LNPK: variants seen among roughly 807,000 people sequenced by gnomAD.
LNPK encodes endoplasmic reticulum junction formation protein lunapark.
A neutral mutation model predicts 55.2 loss-of-function variants in LNPK; 29 were observed. That is an observed-to-expected ratio of 0.53 (90% CI 0.39 to 0.72). The LOEUF is 0.72. Ranked by LOEUF, LNPK falls within the 30% of genes least tolerant of loss-of-function variation. LNPK has a pLI of 0.00. For synonymous variants in LNPK, 162 were observed against 168.2 expected, an observed-to-expected ratio of 0.96 and a Z score of 0.29; for missense variants, 467 against 494.8, an observed-to-expected ratio of 0.94 and a Z score of 0.53.
At chr2:175,953,729 C>CA (rs1685538388) in intron 8 of LNPK, among the ~76,000 whole-genome samples, 2 of 149,938 alleles carry the variant, frequency 1.3e-5, no homozygotes, top group Non-Finnish European at 3.0e-5. Context: ...TTCTCTATGG[C>CA]TCAGTCATAT....
chr2:175,980,537 A>G (rs1687121866), intron 4 of LNPK, among the ~76,000 whole-genome samples: 1 of 152,260 alleles, frequency 6.6e-6, no homozygotes, highest in Non-Finnish European at 1.5e-5. Flanking sequence ...AATCCTCATC[A>G]CAAACTTGTC....
intron 6 of LNPK, 103 bp downstream of exon 6, chr2:175,970,661 C>A (rs573420128): frequency 3.5e-6 from 2 of 573,264 alleles, no homozygotes; most frequent in South Asian, 8.3e-5. Context: ...TATCTAAAAG[C>A]ATATTTCTTC....
chr2:175,992,317 T>A lies in LNPK; in HGVS notation c.171A>T (p.Thr57=). The part of the protein sequence containing the change: ...ILYSSVLYLF[T]CLIVYLWYLP... ...GATACCACAAATATACAATTAAGCATGTAAACAGATAGAGAACTGAGGAAT... is the reference window on the plus strand; with the variant it reads ...GATACCACAAATATACAATTAAGCAAGTAAACAGATAGAGAACTGAGGAAT... Residue 57 remains threonine (T), a synonymous_variant, in exon 4 of 13, where the codon ACA becomes ACT. Transcript: ENST00000272748. 1 of 1,569,470 alleles carries A rather than the reference T, an allele frequency of 6.4e-7. No homozygotes were observed. The highest frequency in any genetic ancestry group is 8.6e-7 in the Non-Finnish European group (1 of 1,163,328).
chr2:175,974,695 C>T (rs1686821665), intron 5 of LNPK, among the ~76,000 whole-genome samples: 1 of 152,100 alleles, frequency 6.6e-6, no homozygotes, highest in African/African-American at 2.4e-5. Context: ...CAAGGTCCAA[C>T]TTGTAAAACA....
chr2:175,991,751 A>ATGAT (rs1403263067), intron 4 of LNPK, among the ~76,000 whole-genome samples: 1 of 152,222 alleles, frequency 6.6e-6, no homozygotes, highest in African/African-American at 2.4e-5. Flanking sequence ...ATTCTCAGTC[A>ATGAT]TGATACGCCT....
intron 12 of LNPK, among the ~76,000 whole-genome samples, chr2:175,936,688 A>G (rs1012318228): frequency 1.3e-5 from 2 of 152,162 alleles, no homozygotes; most frequent in Non-Finnish European, 2.9e-5. Context: ...CCATTTTTTC[A>G]TGAAACTTCC....
intron 8 of LNPK, among the ~76,000 whole-genome samples, chr2:175,952,587 T>G (rs1685478503): frequency 6.6e-6 from 1 of 152,078 alleles, no homozygotes; most frequent in South Asian, 2.1e-4. Flanking sequence ...CAAATTCACC[T>G]TCTACCCTAT....
At position 175,937,515 on chromosome 2, in the gene LNPK, C is replaced by T; in HGVS notation, c.884-1G>A. Reference sequence around the variant, plus strand: ...AAAAAACAGTAGGCACATCGAAAAGCTGCAGAGAATTTTTTAAAAATAAGC... The same window carrying T: ...AAAAAACAGTAGGCACATCGAAAAGTTGCAGAGAATTTTTTAAAAATAAGC... On this transcript the variant is annotated splice_acceptor_variant, in intron 11 of 12. Transcript: ENST00000272748. LOFTEE classifies it high-confidence loss of function. The T allele has an allele frequency of 6.2e-7, 1 of 1,604,244 alleles. No individual in the cohort carries two copies. Among genetic ancestry groups the T allele is most frequent in the Non-Finnish European group, 8.5e-7 (1 of 1,176,484 alleles).
chr2:175,938,531 A>G (rs1684662270), intron 10 of LNPK, 148 bp from the exon 11 acceptor site: 2 of 425,936 alleles, frequency 4.7e-6, no homozygotes, highest in East Asian at 3.4e-5. Context: ...ACAACAAACA[A>G]TATTCATTAA....
rs561793237 is a variant in LNPK, at chr2:175,930,956, T to G, written c.1055-757A>C. 2.2e-3 allele frequency among the ~76,000 whole-genome samples: 339 copies of G among 152,280 alleles called. 1 individual carries two copies. Among genetic ancestry groups the G allele is most frequent in the African/African-American group, 7.8e-3 (326 of 41,564 alleles). On this transcript the variant is annotated intron_variant, in intron 12 of 12. Coordinates refer to ENST00000272748, the MANE Select transcript of LNPK (RefSeq NM_030650.3). ...TACTCCTTTTAAACTCTCTAAGTATTATTGAATTCAAATCCCTTAAAAATA... is the reference window on the plus strand; with the variant it reads ...TACTCCTTTTAAACTCTCTAAGTATGATTGAATTCAAATCCCTTAAAAATA...
intron 8 of LNPK, among the ~76,000 whole-genome samples, chr2:175,961,311 C>T (rs1686018082): frequency 6.6e-6 from 1 of 152,158 alleles, no homozygotes; most frequent in Non-Finnish European, 1.5e-5. Flanking sequence ...GAATAAAATA[C>T]TGGTGAACTG....
chr2:175,940,112 A>T (rs1041088047), intron 9 of LNPK, among the ~76,000 whole-genome samples: 7 of 152,120 alleles, frequency 4.6e-5, no homozygotes, highest in Non-Finnish European at 1.0e-4. Context: ...AAGACACTGG[A>T]TATCAAGCAA....
chr2:175,977,556 GAA>G (rs1334766586), intron 5 of LNPK, among the ~76,000 whole-genome samples: 2 of 152,066 alleles, frequency 1.3e-5, no homozygotes, highest in Non-Finnish European at 2.9e-5. Context: ...AAAGTTTTCA[GAA>G]AAAGAGTGAA....
chr2:175,973,542 G>C (rs940179555), intron 5 of LNPK, among the ~76,000 whole-genome samples: 1 of 152,104 alleles, frequency 6.6e-6, no homozygotes, highest in Non-Finnish European at 1.5e-5. Flanking sequence ...GTCTTTTTCT[G>C]TTACATATTT....
At chr2:175,949,268 T>C (rs879261792) in intron 8 of LNPK, among the ~76,000 whole-genome samples, 10 of 152,134 alleles carry the variant, frequency 6.6e-5, no homozygotes, top group Non-Finnish European at 1.3e-4. Flanking sequence ...AATCATATCC[T>C]AACGTCTGCA....
intron 1 of LNPK, among the ~76,000 whole-genome samples, chr2:176,001,420 C>A (rs1688155666): frequency 6.6e-6 from 1 of 152,132 alleles, no homozygotes; most frequent in African/African-American, 2.4e-5. Flanking sequence ...TGTGAAAGCA[C>A]CATCAGCAAA....
At chr2:175,963,366 T>C (rs1686160726) in intron 8 of LNPK, among the ~76,000 whole-genome samples, 1 of 152,170 alleles carries the variant, frequency 6.6e-6, no homozygotes, top group Non-Finnish European at 1.5e-5. Context: ...CATGGAATAC[T>C]ATGCAGCCAT....
chr2:175,935,727 A>G (rs1684513020), intron 12 of LNPK: 1 of 968,416 alleles, frequency 1.0e-6, no homozygotes, highest in African/African-American at 1.8e-5. Context: ...GTTGGGTTTG[A>G]GCCAGTAAGA....
chr2:175,986,348 T>C lies in LNPK; in HGVS notation c.257+5883A>G, dbSNP rs1484174377. Among the ~76,000 whole-genome samples the C allele has an allele frequency of 2.0e-5, 3 of 151,988 alleles. No individual in the cohort carries two copies. The East Asian group carries it at 5.8e-4, about 29-fold the overall frequency. On this transcript the variant is annotated intron_variant, in intron 4 of 12. Transcript: ENST00000272748. ...ATACAATAAAACTAGAAATTTTAACTAAGACAATAAATAAAAATATAAATA... is the reference window on the plus strand; with the variant it reads ...ATACAATAAAACTAGAAATTTTAACCAAGACAATAAATAAAAATATAAATA...
Sources: allele counts gnomAD v4.1 joint callset (sites outside exome capture counted in the v4.1 genomes callset), GRCh38; gene constraint gnomAD v4.1.1; transcripts MANE v1.5; gene names NCBI Gene and HGNC (gene_info 2026-07-23, HGNC 2026-07-21).